The following BACH2 variants were observed in gnomAD, a reference collection of about 807,000 sequenced individuals.
BACH2 encodes the protein transcription regulator protein BACH2.
BACH2 carries 5 observed loss-of-function variants against 61.8 expected under a neutral mutation model. The ratio of observed to expected loss-of-function variants is 0.08; its 90% CI spans 0.04 to 0.17. The LOEUF is 0.17. BACH2 is among the 10% of genes least tolerant of loss of function. The pLI is 1.00. For synonymous variants in BACH2, 446 were observed against 440.1 expected (o/e 1.01, Z -0.17); for missense variants, 824 against 1,091.1 (o/e 0.76, Z 3.45).
intron 5 of BACH2, among the ~76,000 whole-genome samples, chr6:90,041,230 G>A (rs1051094678): frequency 1.3e-5 from 2 of 152,142 alleles, no homozygotes; most frequent in African/African-American, 4.8e-5. Context: ...CCAAATGGTA[G>A]CTAATTTGAC....
At chr6:90,269,975 C>A (rs913143398) in intron 2 of BACH2, among the ~76,000 whole-genome samples, 1 of 152,108 alleles carries the variant, frequency 6.6e-6, no homozygotes, top group African/African-American at 2.4e-5. Flanking sequence ...TCTTATGATA[C>A]ACTATATTTG....
chr6:90,124,212 T>TA (rs1783755980), intron 4 of BACH2, among the ~76,000 whole-genome samples: 2 of 152,172 alleles, frequency 1.3e-5, no homozygotes, highest in South Asian at 2.1e-4. Flanking sequence ...AGCCAACTTT[T>TA]AAAAAAACGT....
chr6:90,292,894 G>A (rs770202603), intron 1 of BACH2, among the ~76,000 whole-genome samples: 1 of 152,174 alleles, frequency 6.6e-6, no homozygotes, highest in African/African-American at 2.4e-5. Context: ...ATCAAATGAT[G>A]TGGCAACACA....
At chr6:89,990,936 T>C (rs1776512185) in intron 6 of BACH2, among the ~76,000 whole-genome samples, 1 of 152,232 alleles carries the variant, frequency 6.6e-6, no homozygotes, top group South Asian at 2.1e-4. Context: ...AACAGCTTCT[T>C]CTGGTCATTC....
chr6:90,259,026 T>A (rs1177053941), intron 2 of BACH2, among the ~76,000 whole-genome samples: 2 of 152,176 alleles, frequency 1.3e-5, no homozygotes, highest in African/African-American at 4.8e-5. Context: ...TAGAGATAAC[T>A]TTACTTCTTC....
chr6:90,121,210 A>G (rs1439112236), intron 4 of BACH2, among the ~76,000 whole-genome samples: 1 of 152,226 alleles, frequency 6.6e-6, no homozygotes, highest in Admixed American at 6.5e-5. Flanking sequence ...AGATTGGCAA[A>G]TAACTGTTCA....
intron 4 of BACH2, among the ~76,000 whole-genome samples, chr6:90,103,625 C>T (rs1782773164): frequency 6.6e-6 from 1 of 152,174 alleles, no homozygotes; most frequent in Non-Finnish European, 1.5e-5. Flanking sequence ...ATCACGATGA[C>T]TGCTCTGGGT....
intron 5 of BACH2, among the ~76,000 whole-genome samples, chr6:90,029,749 T>C (rs1304353078): frequency 2.0e-5 from 3 of 152,206 alleles, no homozygotes. Flanking sequence ...CCAGCCTGTT[T>C]CTTCACACAT....
At chr6:90,160,960 C>T (rs1380323925) in intron 4 of BACH2, among the ~76,000 whole-genome samples, 3 of 151,796 alleles carry the variant, frequency 2.0e-5, no homozygotes, top group Admixed American at 6.6e-5. Context: ...TGGTGGCGTG[C>T]GCTTGTAGTA....
Position 89,966,925 on chromosome 6 carries a change from T to C in BACH2, c.244-15063A>G, listed in dbSNP as rs1039032863. 2.0e-5 allele frequency among the ~76,000 whole-genome samples: 3 copies of C among 152,222 alleles called. No individual in the cohort carries two copies. In the East Asian group the frequency reaches 5.8e-4, roughly 29 times the overall value. ...TCTGTTGCTCAGGCTGGTCATGAAC[T>C]TCTGGGCTCAAGCAATCCTCCTTCC... On this transcript the variant is annotated intron_variant, in intron 6 of 8. Coordinates refer to ENST00000257749, the MANE Select transcript of BACH2 (RefSeq NM_021813.4).
At chr6:90,072,309 T>C (rs1781269684) in intron 5 of BACH2, among the ~76,000 whole-genome samples, 1 of 152,156 alleles carries the variant, frequency 6.6e-6, no homozygotes, top group Non-Finnish European at 1.5e-5. Flanking sequence ...AAGCAAATGG[T>C]ACCCTAAGTA....
rs767000163 is a variant in BACH2 at position 90,277,470 on chromosome 6, T to C, written c.-445-5529A>G. Reference sequence around the variant, plus strand: ...TCTATGCTTTCCCAAGTCAGAGTAGTGGCTACCACGGGTGAAGTAGTTACT... The same window carrying C: ...TCTATGCTTTCCCAAGTCAGAGTAGCGGCTACCACGGGTGAAGTAGTTACT... On this transcript the variant is annotated intron_variant, in intron 1 of 8. Transcript: ENST00000257749. Among the ~76,000 whole-genome samples the C allele has an allele frequency of 9.9e-5, 15 of 152,182 alleles. 1 individual carries two copies. The highest frequency in any genetic ancestry group is 1.3e-4 in the Admixed American group (2 of 15,270).
At chr6:90,136,133 C>T (rs1385127115) in intron 4 of BACH2, among the ~76,000 whole-genome samples, 1 of 152,230 alleles carries the variant, frequency 6.6e-6, no homozygotes, top group African/African-American at 2.4e-5. Context: ...GTCAGTCCCA[C>T]GAGCACAATC....
At chr6:90,055,194 G>A (rs1011110209) in intron 5 of BACH2, among the ~76,000 whole-genome samples, 4 of 152,080 alleles carry the variant, frequency 2.6e-5, no homozygotes, top group African/African-American at 9.7e-5. Context: ...GAGGAGCTTT[G>A]AACCAATGGC....
At chr6:89,962,600 C>G (rs563236157) in intron 6 of BACH2, among the ~76,000 whole-genome samples, 15 of 152,306 alleles carry the variant, frequency 9.8e-5, no homozygotes, top group South Asian at 2.1e-4. Context: ...CAACTGCTGG[C>G]ACAATTTACC....
chr6:90,179,142 G>C (rs1768072595), intron 4 of BACH2, among the ~76,000 whole-genome samples: 1 of 152,092 alleles, frequency 6.6e-6, no homozygotes, highest in African/African-American at 2.4e-5. Context: ...ATGTGAAGGA[G>C]TTCTTTAAGG....
At position 90,129,019 on chromosome 6, in the gene BACH2, A is replaced by G. The variant is rs539586576; in HGVS notation, c.-161-39910T>C. Among the ~76,000 whole-genome samples, 4 of 152,138 alleles carry G rather than the reference A, an allele frequency of 2.6e-5. No homozygotes were observed. The South Asian group carries it at 8.3e-4, about 32-fold the overall frequency. ...TAGGTGGGAATTGAACAATGAGAAC[A>G]CTTGGACACAGGAAGGGGAACATCA... On this transcript the variant is annotated intron_variant, in intron 4 of 8. Transcript: ENST00000257749.
At chr6:90,000,845 T>C (rs1320414785) in intron 6 of BACH2, among the ~76,000 whole-genome samples, 10 of 152,192 alleles carry the variant, frequency 6.6e-5, no homozygotes, top group Non-Finnish European at 1.2e-4. Context: ...GTCATAAAAG[T>C]GGGAGAACTG....
chr6:90,169,579 C>T (rs531675424), intron 4 of BACH2, among the ~76,000 whole-genome samples: 1 of 152,308 alleles, frequency 6.6e-6, no homozygotes, highest in South Asian at 2.1e-4. Flanking sequence ...AGAGCATGGT[C>T]ATGCCCTTGT....
Sources: allele counts gnomAD v4.1 joint callset (sites outside exome capture counted in the v4.1 genomes callset), GRCh38; gene constraint gnomAD v4.1.1; transcripts MANE v1.5; gene names NCBI Gene and HGNC (gene_info 2026-07-23, HGNC 2026-07-21).